BTRC: variants seen among roughly 807,000 people sequenced by gnomAD.
The protein encoded by BTRC is beta-transducin repeat containing E3 ubiquitin protein ligase, also known as F-box/WD repeat-containing protein 1A.
In BTRC, 42 loss-of-function variants were observed where a neutral mutation model predicts 85.5. The observed-to-expected ratio is 0.49, with a 90% CI of 0.38 to 0.64. The LOEUF (loss-of-function observed/expected upper bound fraction) is 0.64, where lower values mean the gene tolerates loss of function less well. Among genes scored for constraint, BTRC ranks in the 30% least tolerant of loss-of-function variants. BTRC has a pLI of 0.00. For synonymous variants in BTRC, 255 were observed against 263.3 expected (o/e 0.97, Z 0.30); for missense variants, 594 against 743.5 (o/e 0.80, Z 2.34).
intron 1 of BTRC, among the ~76,000 whole-genome samples, chr10:101,378,183 TCTC>T (rs890565462): frequency 6.6e-6 from 1 of 152,136 alleles, no homozygotes; most frequent in African/African-American, 2.4e-5. Context: ...ATCTATCTCT[TCTC>T]CTTTGTAGAT....
At chr10:101,354,142 C>T, upstream of BTRC, 2 of 1,546,932 alleles carry the variant, frequency 1.3e-6, no homozygotes, top group East Asian at 2.5e-5. Context: ...ACCAAAGGGG[C>T]GGCCCCGGCG....
At chr10:101,507,131 C>G (rs1946562521) in intron 4 of BTRC, among the ~76,000 whole-genome samples, 1 of 152,254 alleles carries the variant, frequency 6.6e-6, no homozygotes, top group Admixed American at 6.5e-5. Flanking sequence ...TCTTACTTCC[C>G]CAAGTCTGTA....
At chr10:101,362,689 C>A (rs1001673626) in intron 1 of BTRC, among the ~76,000 whole-genome samples, 3 of 152,166 alleles carry the variant, frequency 2.0e-5, no homozygotes, top group African/African-American at 7.2e-5. Flanking sequence ...GCCACCACGC[C>A]CGGCCAGAAG....
chr10:101,388,948 C>T (rs939682402), intron 1 of BTRC, among the ~76,000 whole-genome samples: 3 of 152,102 alleles, frequency 2.0e-5, no homozygotes, highest in South Asian at 2.1e-4. Flanking sequence ...TTCCTGTCTA[C>T]ACTTTGTTCC....
intron 1 of BTRC, among the ~76,000 whole-genome samples, chr10:101,383,201 C>A (rs190823354): frequency 4.0e-5 from 6 of 151,490 alleles, no homozygotes; most frequent in Non-Finnish European, 7.4e-5. Context: ...GTAGCTGGGA[C>A]TACAGGCGTG....
chr10:101,505,155 ATG>A (rs1237562661), intron 4 of BTRC, among the ~76,000 whole-genome samples: 1 of 104,390 alleles, frequency 9.6e-6, no homozygotes, highest in East Asian at 2.5e-4. Context: ...ATATATGTAT[ATG>A]TATATATATA....
At chr10:101,527,486 C>T (rs1009521245) in intron 6 of BTRC, among the ~76,000 whole-genome samples, 14 of 152,132 alleles carry the variant, frequency 9.2e-5, no homozygotes, top group African/African-American at 3.4e-4. Flanking sequence ...GGTGGGGTGG[C>T]TCACGCCTGT....
chr10:101,497,790 CGCGG>C (rs893833757), intron 4 of BTRC, among the ~76,000 whole-genome samples: 9 of 152,134 alleles, frequency 5.9e-5, no homozygotes, highest in African/African-American at 2.2e-4. Flanking sequence ...GGGAGGCCAA[CGCGG>C]GCATGTCACA....
At chr10:101,404,030 A>ATATATATATATTT (rs1232082481) in intron 1 of BTRC, among the ~76,000 whole-genome samples, 3 of 25,434 alleles carry the variant, frequency 1.2e-4, no homozygotes, top group African/African-American at 3.8e-4. Flanking sequence ...ATATATATAT[A>ATATATATATATTT]TTTTTTTTTT....
chr10:101,366,780 A>ATTTTTTTATATT (rs1401642159), intron 1 of BTRC, among the ~76,000 whole-genome samples: 12,152 of 102,726 alleles, frequency 0.12, 2,560 homozygotes, highest in Middle Eastern at 0.19. Context: ...ATATATATAT[A>ATTTTTTTATATT]TATATATATT....
chr10:101,470,090 T>A lies in BTRC; in HGVS notation c.234+8032T>A, dbSNP rs529782899. Among the ~76,000 whole-genome samples the A allele has an allele frequency of 6.5e-4, 99 of 152,330 alleles. 1 individual carries two copies. The highest frequency in any genetic ancestry group is 1.2e-3 in the Non-Finnish European group (84 of 68,026). On this transcript the variant is annotated intron_variant, in intron 3 of 14. Transcript: ENST00000370187. ...AAGTACTTTTTCATGTGCTTATTGG[T>A]TATTCAGACATTTTCTTTGTGAAGT... is the stretch of plus-strand genomic sequence containing the variant.
intron 1 of BTRC, among the ~76,000 whole-genome samples, chr10:101,358,165 A>C (rs1419688106): frequency 6.6e-6 from 1 of 152,228 alleles, no homozygotes; most frequent in Non-Finnish European, 1.5e-5. Context: ...GCTAGAGTGC[A>C]GTCATAGCTT....
intron 1 of BTRC, among the ~76,000 whole-genome samples, chr10:101,372,490 G>A (rs935815131): frequency 6.7e-6 from 1 of 148,862 alleles, no homozygotes; most frequent in African/African-American, 2.5e-5. Flanking sequence ...CCCTGACCTC[G>A]TGATCTGCCC....
intron 2 of BTRC, among the ~76,000 whole-genome samples, chr10:101,432,254 G>A (rs1944422242): frequency 6.6e-6 from 1 of 151,386 alleles, no homozygotes; most frequent in Admixed American, 6.6e-5. Context: ...CAAACTTCCG[G>A]GTAGCTGAGA....
rs148636474 is a variant in BTRC at position 101,525,764 on chromosome 10, C to T, written c.557-249C>T. ...TATTTTTAATGTCTTGGGGGGTTTG[C>T]TGGTTGTTAGCTTTAACTTCCTTAT... On this transcript the variant is annotated intron_variant, in intron 5 of 14. Transcript: ENST00000370187. Among the ~76,000 whole-genome samples, 21 of 151,988 alleles carry T rather than the reference C, an allele frequency of 1.4e-4. No individual in the cohort carries two copies. In the East Asian group the frequency reaches 3.9e-3, roughly 28 times the overall value.
rs773963944 is a variant in BTRC, at chr10:101,534,918, G to C, written c.1347+8G>C. On this transcript the variant is annotated splice_region_variant and intron_variant, in intron 10 of 14. Transcript: ENST00000370187. ...GGGGATAGAACTATAAAGGTAATAA[G>C]GCATTTTTCAGTAAGTTTCCAACTT... 1 of 1,605,920 alleles carries C rather than the reference G, an allele frequency of 6.2e-7. No individual in the cohort carries two copies. Among genetic ancestry groups the C allele is most frequent in the African/African-American group, 1.3e-5 (1 of 74,770 alleles).
chr10:101,460,490 T>C (rs1310070219), intron 2 of BTRC, among the ~76,000 whole-genome samples: 2 of 152,194 alleles, frequency 1.3e-5, no homozygotes, highest in Non-Finnish European at 2.9e-5. Context: ...TAGCATGCTT[T>C]TTCTTTAATT....
At chr10:101,450,063 G>T (rs1253399802) in intron 2 of BTRC, among the ~76,000 whole-genome samples, 2 of 149,260 alleles carry the variant, frequency 1.3e-5, no homozygotes, top group African/African-American at 2.5e-5. Context: ...TTTAAATTAA[G>T]GCTTTAGAGC....
intron 1 of BTRC, among the ~76,000 whole-genome samples, chr10:101,424,605 A>G (rs748592284): frequency 3.9e-5 from 6 of 152,228 alleles, no homozygotes; most frequent in Non-Finnish European, 8.8e-5. Flanking sequence ...GCTTTCGTAT[A>G]GTAAATGCTG....
Sources: gnomAD v4.1 joint callset for allele counts (sites outside exome capture counted in the v4.1 genomes callset) on GRCh38, gnomAD v4.1.1 for gene constraint, MANE v1.5 for transcripts, NCBI Gene and HGNC (gene_info 2026-07-23, HGNC 2026-07-21) for gene names.